The following DISP1 variants were observed in gnomAD, a reference collection of about 807,000 sequenced individuals.
The protein encoded by DISP1 is dispatched RND transporter family member 1.
DISP1 carries 30 observed loss-of-function variants against 37.3 expected under a neutral mutation model. The observed-to-expected ratio is 0.80, with a 90% confidence interval of 0.60 to 1.09. The LOEUF (loss-of-function observed/expected upper bound fraction) is 1.09, where lower values mean the gene tolerates loss of function less well. DISP1 is among the 50% of genes least tolerant of loss of function. The probability of loss-of-function intolerance (pLI) is 0.00; values close to 1 mark genes in which losing one functional copy is unlikely to be tolerated. For missense variants in DISP1, 1,598 were observed against 1,879.5 expected, an observed-to-expected ratio of 0.85 and a Z score of 2.77; for synonymous variants, 634 against 690.2, an observed-to-expected ratio of 0.92 and a Z score of 1.28.
rs571667042 is a variant in DISP1, at chr1:222,830,661, C to T, written c.-159+15583C>T. Among the ~76,000 whole-genome samples the T allele has an allele frequency of 2.6e-5, 4 of 152,276 alleles. No homozygotes were observed. In the East Asian group the frequency reaches 7.7e-4, roughly 29 times the overall value. ...TCTCCCAAAGTGCTGGGATTACAGG[C>T]GTGAGCCACTGTGCCTGGCTCCTTC... On this transcript the variant is annotated intron_variant, in intron 1 of 8. Transcript: ENST00000675850.
intron 1 of DISP1, among the ~76,000 whole-genome samples, chr1:222,873,263 A>G (rs185762479): frequency 5.5e-4 from 84 of 152,212 alleles, no homozygotes; most frequent in African/African-American, 1.9e-3. Flanking sequence ...GATTTGGGCT[A>G]GAGAGTTCTG....
intron 2 of DISP1, among the ~76,000 whole-genome samples, chr1:222,932,014 T>C (rs1337690101): frequency 6.6e-6 from 1 of 151,946 alleles, no homozygotes; most frequent in Non-Finnish European, 1.5e-5. Flanking sequence ...TCTCTTTTCA[T>C]TGTAACAAGA....
At chr1:222,874,978 C>T (rs1027035383) in intron 1 of DISP1, among the ~76,000 whole-genome samples, 3 of 151,986 alleles carry the variant, frequency 2.0e-5, no homozygotes, top group South Asian at 2.1e-4. Flanking sequence ...TATTACAACT[C>T]TTAGTGAAAA....
chr1:222,846,497 A>C (rs548069683), intron 1 of DISP1, among the ~76,000 whole-genome samples: 1 of 152,324 alleles, frequency 6.6e-6, no homozygotes, highest in Admixed American at 6.5e-5. Context: ...GTCTCAAAAA[A>C]AAAAAGAGTG....
chr1:222,844,896 C>T (rs1230076932), intron 1 of DISP1, among the ~76,000 whole-genome samples: 2 of 152,024 alleles, frequency 1.3e-5, no homozygotes, highest in Non-Finnish European at 2.9e-5. Context: ...TTGTAGACCA[C>T]GAAAGAGGTA....
Position 223,004,717 on chromosome 1 carries a change from A to C in DISP1, c.3320A>C (p.Gln1107Pro). The change falls in exon 9 of 9, where the codon CAG becomes CCG. Residue 1107 changes from glutamine (Q) to proline (P), a missense_variant. Physicochemically the swap from Gln to Pro is moderately conservative, Grantham distance 76. Coordinates refer to ENST00000675850, the MANE Select transcript of DISP1 (RefSeq NM_001377229.1). This position sits in a 1 kb window ranked among gnomAD's most constrained non-coding sequence, Gnocchi z 4.9. ...MMPSTVLAYTQLGTFMMLIMC... is the reference protein window; with the variant it reads ...MMPSTVLAYTPLGTFMMLIMC... ...CCCTCCACAGTTCTAGCTTACACCC[A>C]GCTGGGCACCTTCATGATGCTCATC... 6.2e-7 allele frequency: 1 copy of C among 1,613,982 alleles called. No homozygotes were observed. The highest frequency in any genetic ancestry group is 8.5e-7 in the Non-Finnish European group (1 of 1,180,036).
chr1:222,976,593 G>C (rs1677349945), intron 3 of DISP1, among the ~76,000 whole-genome samples: 1 of 151,904 alleles, frequency 6.6e-6, no homozygotes, highest in Non-Finnish European at 1.5e-5. Flanking sequence ...TCTACTTACT[G>C]TCTCAAATTT....
chr1:222,830,270 A>T (rs1665410040), intron 1 of DISP1, among the ~76,000 whole-genome samples: 1 of 152,122 alleles, frequency 6.6e-6, no homozygotes, highest in South Asian at 2.1e-4. Flanking sequence ...CATTTCAATG[A>T]AAAGAAGATT....
intron 2 of DISP1, among the ~76,000 whole-genome samples, chr1:222,942,560 G>A (rs1674463617): frequency 6.6e-6 from 1 of 151,828 alleles, no homozygotes; most frequent in South Asian, 2.1e-4. Context: ...AGGAGAGGTG[G>A]GCAGGAGAAA....
intron 1 of DISP1, among the ~76,000 whole-genome samples, chr1:222,822,890 C>A (rs1663292418): frequency 6.6e-6 from 1 of 152,174 alleles, no homozygotes; most frequent in South Asian, 2.1e-4. Context: ...AGTGTCCATG[C>A]ATTAAAATCA....
At chr1:222,848,002 T>C (rs1232447138) in intron 1 of DISP1, among the ~76,000 whole-genome samples, 1 of 152,152 alleles carries the variant, frequency 6.6e-6, no homozygotes, top group Non-Finnish European at 1.5e-5. Context: ...CTATTGGTTT[T>C]TTTACATTTT....
At chr1:222,909,426 G>T (rs984769185) in intron 1 of DISP1, among the ~76,000 whole-genome samples, 2 of 152,204 alleles carry the variant, frequency 1.3e-5, no homozygotes, top group African/African-American at 4.8e-5. Context: ...CACTAGGATT[G>T]TTTATGAATG....
chr1:222,970,211 T>C (rs558567055), intron 3 of DISP1, among the ~76,000 whole-genome samples: 1 of 143,780 alleles, frequency 7.0e-6, no homozygotes, highest in Admixed American at 6.9e-5. Context: ...TTTCCTACAG[T>C]GTGACATGCA....
intron 1 of DISP1, among the ~76,000 whole-genome samples, chr1:222,899,523 G>A (rs1379179371): frequency 6.6e-6 from 1 of 152,116 alleles, no homozygotes; most frequent in African/African-American, 2.4e-5. Flanking sequence ...CAAGGGTGAG[G>A]GTCTTGTTTG....
intron 3 of DISP1, among the ~76,000 whole-genome samples, chr1:222,975,827 C>CT (rs1677278525): frequency 6.6e-6 from 1 of 152,184 alleles, no homozygotes; most frequent in Non-Finnish European, 1.5e-5. Flanking sequence ...ACATGCTTTG[C>CT]TTTTTTAAAA....
At chr1:222,904,815 C>T (rs1671810513) in intron 1 of DISP1, among the ~76,000 whole-genome samples, 1 of 152,128 alleles carries the variant, frequency 6.6e-6, no homozygotes, top group Admixed American at 6.5e-5. Flanking sequence ...ATCTGCCCAC[C>T]TCGGTCTCAC....
intron 1 of DISP1, among the ~76,000 whole-genome samples, chr1:222,909,224 A>G (rs1266278617): frequency 6.6e-6 from 1 of 152,200 alleles, no homozygotes; most frequent in African/African-American, 2.4e-5. Context: ...TCAATAATGT[A>G]TGTAGAGAAC....
At chr1:222,950,335 C>T (rs1338605304) in intron 3 of DISP1, among the ~76,000 whole-genome samples, 4 of 152,200 alleles carry the variant, frequency 2.6e-5, no homozygotes, top group Non-Finnish European at 5.9e-5. Flanking sequence ...GGCGCAGTGG[C>T]TCACGCTGTA....
At chr1:222,982,149 T>A (rs1013118110) in intron 3 of DISP1, among the ~76,000 whole-genome samples, 4 of 152,208 alleles carry the variant, frequency 2.6e-5, no homozygotes, top group Non-Finnish European at 5.9e-5. Flanking sequence ...TTTTTGCAAA[T>A]CTCTTTGACA....
Sources: allele counts gnomAD v4.1 joint callset (sites outside exome capture counted in the v4.1 genomes callset), GRCh38; gene constraint gnomAD v4.1.1; non-coding constraint Gnocchi (gnomAD v3.1); transcripts MANE v1.5; gene names NCBI Gene and HGNC (gene_info 2026-07-23, HGNC 2026-07-21).